FRMD4B: variants seen among roughly 807,000 people sequenced by gnomAD.
The protein encoded by FRMD4B is FERM domain containing 4B, also known as FERM domain-containing protein 4B.
In FRMD4B, 74 loss-of-function variants were observed where a neutral mutation model predicts 141.5. The ratio of observed to expected loss-of-function variants is 0.52; its 90% CI spans 0.43 to 0.63. The LOEUF (loss-of-function observed/expected upper bound fraction) is 0.63, where lower values mean the gene tolerates loss of function less well. FRMD4B is among the 30% of genes least tolerant of loss of function. The pLI is 0.00. For synonymous variants in FRMD4B, 506 were observed against 467.9 expected (o/e 1.08, Z -1.05); for missense variants, 1,366 against 1,253.4 (o/e 1.09, Z -1.36).
intron 11 of FRMD4B, among the ~76,000 whole-genome samples, chr3:69,210,449 A>C (rs1001335043): frequency 2.2e-4 from 33 of 151,904 alleles, no homozygotes; most frequent in African/African-American, 7.7e-4. Flanking sequence ...AAACTTCATC[A>C]GTCTCTAAGT....
rs572156629 is a variant in FRMD4B, at chr3:69,475,655, C to T, written c.-128-42894G>A. ...AAGTCTTTGCTATTGTGAATAGAGC[C>T]GCAATAAACATACGTGTGCATGTGT... On this transcript the variant is annotated intron_variant, in intron 1 of 5. Coordinates refer to the FRMD4B transcript ENST00000459638. 9.9e-5 allele frequency among the ~76,000 whole-genome samples: 15 copies of T among 152,092 alleles called. No individual in the cohort carries two copies. The South Asian group carries it at 1.5e-3, about 15-fold the overall frequency.
At chr3:69,497,104 G>T (rs1706416246) in intron 1 of FRMD4B, among the ~76,000 whole-genome samples, 1 of 152,066 alleles carries the variant, frequency 6.6e-6, no homozygotes, top group Admixed American at 6.6e-5. Flanking sequence ...AGCTTTAAGG[G>T]CTATCACAAG....
At chr3:69,262,927 C>A (rs2093537361) in intron 5 of FRMD4B, among the ~76,000 whole-genome samples, 1 of 152,006 alleles carries the variant, frequency 6.6e-6, no homozygotes, top group African/African-American at 2.4e-5. Flanking sequence ...TCCTGTCATA[C>A]AAAGTTCAAA....
intron 2 of FRMD4B, among the ~76,000 whole-genome samples, chr3:69,393,164 G>A (rs17005804): frequency 0.022 from 3,371 of 152,126 alleles, 128 homozygotes; most frequent in African/African-American, 0.076. Flanking sequence ...CCTATTCAGC[G>A]TCTATTCTTT....
At chr3:69,519,737 A>G (rs567707656) in intron 1 of FRMD4B, among the ~76,000 whole-genome samples, 41 of 152,070 alleles carry the variant, frequency 2.7e-4, no homozygotes, top group African/African-American at 9.6e-4. Context: ...TGGTGCACCC[A>G]TCACCCGAGC....
chr3:69,344,389 G>C (rs541633088), intron 1 of FRMD4B, among the ~76,000 whole-genome samples: 2 of 152,330 alleles, frequency 1.3e-5, no homozygotes, highest in East Asian at 1.9e-4. Context: ...AAGAGGGAGA[G>C]AGATGGAGGT....
chr3:69,259,859 A>C (rs1261858784), intron 5 of FRMD4B, among the ~76,000 whole-genome samples: 1 of 152,180 alleles, frequency 6.6e-6, no homozygotes, highest in Non-Finnish European at 1.5e-5. Context: ...TGGTGCAATC[A>C]CTACTTACTG....
At chr3:69,369,188 G>T (rs1703756773) in intron 1 of FRMD4B, among the ~76,000 whole-genome samples, 1 of 152,148 alleles carries the variant, frequency 6.6e-6, no homozygotes, top group Admixed American at 6.5e-5. Flanking sequence ...TTGGCTCATG[G>T]TTTTACTTTC....
Position 69,217,363 on chromosome 3 carries a change from G to A in FRMD4B, c.789+959C>T, listed in dbSNP as rs183099341. Among the ~76,000 whole-genome samples, 997 of 152,268 alleles carry A rather than the reference G, an allele frequency of 6.5e-3. 5 individuals carry two copies. The highest frequency in any genetic ancestry group is 0.037 in the Middle Eastern group (11 of 294). On this transcript the variant is annotated intron_variant, in intron 10 of 22. Transcript: ENST00000398540. ...AGGCCAGGCGTGGTGGTTCATGCCT[G>A]TAATCCCAGCACTTTGGGAGCCTGA...
chr3:69,540,660 T>TATATATACACACACACAC (rs1241897477), intron 1 of FRMD4B, among the ~76,000 whole-genome samples: 2 of 56,872 alleles, frequency 3.5e-5, no homozygotes, highest in African/African-American at 2.1e-4. Context: ...TATATATATA[T>TATATATACACACACACAC]ACACACACAC....
chr3:69,337,005 T>C (rs1702579472), intron 1 of FRMD4B, among the ~76,000 whole-genome samples: 1 of 152,128 alleles, frequency 6.6e-6, no homozygotes, highest in South Asian at 2.1e-4. Flanking sequence ...TGTCCATTAA[T>C]GGTAGAACAG....
intron 1 of FRMD4B, among the ~76,000 whole-genome samples, chr3:69,357,876 C>G (rs1427986310): frequency 1.3e-5 from 2 of 152,186 alleles, no homozygotes; most frequent in Non-Finnish European, 2.9e-5. Context: ...CTCATAACTT[C>G]TCATCCTTCT....
intron 1 of FRMD4B, among the ~76,000 whole-genome samples, chr3:69,511,392 C>T (rs779263136): frequency 1.1e-4 from 16 of 152,170 alleles, no homozygotes; most frequent in Non-Finnish European, 2.4e-4. Context: ...AGGCAAAACA[C>T]ACATAGTCCC....
At chr3:69,535,286 A>T (rs1701067480) in intron 1 of FRMD4B, among the ~76,000 whole-genome samples, 1 of 152,204 alleles carries the variant, frequency 6.6e-6, no homozygotes, top group Admixed American at 6.5e-5. Context: ...CTCAACAAAT[A>T]TTATGTGATT....
chr3:69,203,319 G>GC (rs1228019946), intron 11 of FRMD4B, among the ~76,000 whole-genome samples: 2 of 6,262 alleles, frequency 3.2e-4, no homozygotes, highest in African/African-American at 4.8e-4. Context: ...TCAAACTTCA[G>GC]CAAAAAAAAA....
chr3:69,339,229 C>A (rs539418612), intron 1 of FRMD4B, among the ~76,000 whole-genome samples: 96 of 152,056 alleles, frequency 6.3e-4, no homozygotes, highest in African/African-American at 2.2e-3. Flanking sequence ...ATGTTAAACC[C>A]GAGTTTTATA....
At chr3:69,233,591 G>A (rs7627132) in intron 7 of FRMD4B, among the ~76,000 whole-genome samples, 113 of 152,108 alleles carry the variant, frequency 7.4e-4, no homozygotes, top group African/African-American at 2.7e-3. Context: ...ATGTAAAAAT[G>A]CCATAGTTAA....
At chr3:69,456,014 C>G (rs967138313) in intron 1 of FRMD4B, among the ~76,000 whole-genome samples, 26 of 152,122 alleles carry the variant, frequency 1.7e-4, no homozygotes, top group African/African-American at 5.8e-4. Flanking sequence ...TTATGCACAT[C>G]AAGGACTTAG....
intron 1 of FRMD4B, chr3:69,541,087 T>C (rs763433201): frequency 3.9e-5 from 6 of 152,134 alleles, no homozygotes; most frequent in Non-Finnish European, 7.3e-5. Context: ...AAACAGCACG[T>C]CGGGGATCGC....
Sources: gnomAD v4.1 joint callset for allele counts (sites outside exome capture counted in the v4.1 genomes callset) on GRCh38, gnomAD v4.1.1 for gene constraint, MANE v1.5 for transcripts, NCBI Gene and HGNC (gene_info 2026-07-23, HGNC 2026-07-21) for gene names.